The following SIPA1L1 variants were observed in gnomAD, a reference collection of about 807,000 sequenced individuals.
SIPA1L1 encodes the protein signal induced proliferation associated 1 like 1, also known as signal-induced proliferation-associated 1-like protein 1.
Under a neutral mutation model 162.7 loss-of-function variants are expected in SIPA1L1, and 26 were observed. The ratio of observed to expected loss-of-function variants is 0.16; its 90% confidence interval spans 0.12 to 0.22. The LOEUF is 0.22. SIPA1L1 is among the 10% of genes least tolerant of loss of function. The pLI is 1.00. For missense variants in SIPA1L1, 1,874 were observed against 2,241.0 expected (o/e 0.84, Z 3.31); for synonymous variants, 829 against 837.4 (o/e 0.99, Z 0.17).
At chr14:71,715,609 G>A (rs2083210285) in intron 17 of SIPA1L1, among the ~76,000 whole-genome samples, 1 of 152,172 alleles carries the variant, frequency 6.6e-6, no homozygotes. Context: ...TTACATGTCT[G>A]TTGAAAATAA....
intron 2 of SIPA1L1, among the ~76,000 whole-genome samples, chr14:71,374,617 A>G (rs2039204470): frequency 1.3e-5 from 2 of 151,740 alleles, no homozygotes; most frequent in East Asian, 1.9e-4. Flanking sequence ...GTAAGTAAAT[A>G]GTAATACAAG....
chr14:71,705,281 A>C lies in SIPA1L1; in HGVS notation c.3706A>C (p.Ser1236Arg). 1.2e-6 allele frequency: 2 copies of C among 1,614,200 alleles called. No individual in the cohort carries two copies. The highest frequency in any genetic ancestry group is 1.7e-6 in the Non-Finnish European group (2 of 1,180,024). Residue 1236 changes from serine (S) to arginine (R), a missense_variant, in exon 16 of 24, where the codon AGT becomes CGT. Coordinates refer to ENST00000381232, the MANE Select transcript of SIPA1L1 (RefSeq NM_001386936.1). ...KVLPAFRESP[S>R]GRLMRQDPVV... ...ACTGCCAGCTTTCCGAGAGAGCCCC[A>C]GTGGGAGATTAATGCGGCAGGATCC...
At position 71,511,792 on chromosome 14, in the gene SIPA1L1, A is replaced by G. The variant is rs569521737; in HGVS notation, c.-464-951A>G. Among the ~76,000 whole-genome samples, 10 of 152,320 alleles carry G rather than the reference A, an allele frequency of 6.6e-5. No individual in the cohort carries two copies. In the South Asian group the frequency reaches 1.5e-3, roughly 22 times the overall value. ...TGTGAGTAGAGGTTTGGAACTTTCCATCCCATCCCGTTAGCTCCATGGAGG... is the reference window on the plus strand; with the variant it reads ...TGTGAGTAGAGGTTTGGAACTTTCCGTCCCATCCCGTTAGCTCCATGGAGG... On this transcript the variant is annotated intron_variant, in intron 2 of 23. Transcript: ENST00000381232.
At chr14:71,379,522 A>G (rs537459147) in intron 2 of SIPA1L1, 2 of 151,614 alleles carry the variant, frequency 1.3e-5, no homozygotes, top group South Asian at 4.2e-4. Flanking sequence ...GTTGCCCAGT[A>G]CTGGCCTCAA....
intron 4 of SIPA1L1, among the ~76,000 whole-genome samples, chr14:71,552,385 T>C (rs1190460232): frequency 6.6e-6 from 1 of 152,044 alleles, no homozygotes; most frequent in Non-Finnish European, 1.5e-5. Context: ...TATTTTCCCA[T>C]ACCCTATTTC....
At chr14:71,564,852 A>C (rs141096525) in intron 4 of SIPA1L1, among the ~76,000 whole-genome samples, 1,905 of 152,218 alleles carry the variant, frequency 0.013, 15 homozygotes, top group Non-Finnish European at 0.018. Flanking sequence ...TGTCAACTTA[A>C]TAGTAAAATA....
In SIPA1L1 at chr14:71,624,081, G is replaced by A. The variant is rs184629545; in HGVS notation, c.1663G>A (p.Ala555Thr). Residue 555 changes from alanine (A) to threonine (T), a missense_variant, in exon 7 of 24, where the codon GCC (alanine) becomes ACC (threonine). Physicochemically the swap from Ala to Thr is moderately conservative, Grantham distance 58 (BLOSUM62 0). Around this residue, in one of 5 missense-constraint regions of SIPA1L1, gnomAD observed 685 missense variants for 828.0 expected, o/e 0.83. Transcript: ENST00000381232. ...MTLRGSVLED[A>T]IPSTAKHSTA... ...ACTGAGAGGTTCGGTCCTGGAGGAC[G>A]CCATTCCGTCGACAGCCAAGCACTC... 19 of 1,612,660 alleles carry A rather than the reference G, an allele frequency of 1.2e-5. No homozygotes were observed. The highest frequency in any genetic ancestry group is 5.0e-5 in the Admixed American group (3 of 59,846).
intron 21 of SIPA1L1, among the ~76,000 whole-genome samples, chr14:71,735,018 T>A (rs535820950): frequency 3.3e-5 from 5 of 152,304 alleles, no homozygotes; most frequent in Middle Eastern, 6.8e-3. Context: ...TTTCATAGAA[T>A]GCTACAGTGA....
chr14:71,466,430 T>C (rs887179851), intron 2 of SIPA1L1, among the ~76,000 whole-genome samples: 13 of 152,188 alleles, frequency 8.5e-5, no homozygotes, highest in Non-Finnish European at 4.4e-5. Context: ...TAAACAGCAA[T>C]GAAAACTGGC....
At chr14:71,716,803 C>A (rs1036577485) in intron 17 of SIPA1L1, among the ~76,000 whole-genome samples, 26 of 152,212 alleles carry the variant, frequency 1.7e-4, no homozygotes, top group African/African-American at 6.0e-4. Context: ...AATGTAAAAT[C>A]ACCAGGTTGC....
intron 2 of SIPA1L1, among the ~76,000 whole-genome samples, chr14:71,404,828 A>G (rs1215722459): frequency 2.0e-5 from 3 of 152,218 alleles, no homozygotes; most frequent in Admixed American, 6.5e-5. Flanking sequence ...CCATTAAATG[A>G]TGATTCTGGG....
intron 13 of SIPA1L1, among the ~76,000 whole-genome samples, chr14:71,692,654 A>G (rs2081332080): frequency 6.6e-6 from 1 of 152,236 alleles, no homozygotes; most frequent in African/African-American, 2.4e-5. Flanking sequence ...CACACCTCCC[A>G]GTTCCCCATC....
At chr14:71,737,167 C>T (rs1045831758) in intron 22 of SIPA1L1, among the ~76,000 whole-genome samples, 1 of 152,222 alleles carries the variant, frequency 6.6e-6, no homozygotes, top group Non-Finnish European at 1.5e-5. Context: ...CCACACTGTA[C>T]ACCACGGTGG....
intron 14 of SIPA1L1, among the ~76,000 whole-genome samples, chr14:71,700,294 G>A (rs1317950967): frequency 2.6e-5 from 4 of 151,588 alleles, no homozygotes; most frequent in Non-Finnish European, 5.9e-5. Context: ...ATACTTGATA[G>A]GCTAAGGCAG....
chr14:71,415,300 G>A (rs1460531231), intron 2 of SIPA1L1, among the ~76,000 whole-genome samples: 2 of 152,120 alleles, frequency 1.3e-5, no homozygotes, highest in East Asian at 3.8e-4. Flanking sequence ...AAGTACATTA[G>A]GGCACTTTTC....
At chr14:71,671,740 G>A (rs1356576354) in intron 11 of SIPA1L1, 48 bp downstream of exon 11, 1 of 1,434,738 alleles carries the variant, frequency 7.0e-7, no homozygotes, top group South Asian at 1.4e-5. Flanking sequence ...CTTTCATAAA[G>A]TTTTCAATAC....
chr14:71,595,593 A>G (rs2035938166), intron 5 of SIPA1L1, among the ~76,000 whole-genome samples: 1 of 152,206 alleles, frequency 6.6e-6, no homozygotes, highest in African/African-American at 2.4e-5. Context: ...GAAAAAGATG[A>G]TTAGCCTACA....
At chr14:71,652,980 C>T (rs2042753816) in intron 8 of SIPA1L1, among the ~76,000 whole-genome samples, 1 of 151,980 alleles carries the variant, frequency 6.6e-6, no homozygotes, top group Non-Finnish European at 1.5e-5. Context: ...TTTACTTCCT[C>T]ACATGTCTGG....
chr14:71,719,242 A>G (rs2083501904), intron 17 of SIPA1L1, among the ~76,000 whole-genome samples: 1 of 152,132 alleles, frequency 6.6e-6, no homozygotes, highest in African/African-American at 2.4e-5. Flanking sequence ...CCCAGCCAAT[A>G]TTAAGAATTC....
Sources: allele counts gnomAD v4.1 joint callset (sites outside exome capture counted in the v4.1 genomes callset), GRCh38; gene constraint gnomAD v4.1.1; regional missense constraint gnomAD v4.1.1; transcripts MANE v1.5; gene names NCBI Gene and HGNC (gene_info 2026-07-23, HGNC 2026-07-21).